Variants in SDK1 observed in about 807,000 individuals in gnomAD.
SDK1 encodes the protein sidekick cell adhesion molecule 1.
SDK1 carries 157 observed loss-of-function variants against 245.5 expected under a neutral mutation model. The ratio of observed to expected loss-of-function variants is 0.64; its 90% CI spans 0.56 to 0.73. The LOEUF is 0.73. Among genes scored for constraint, SDK1 ranks in the 30% least tolerant of loss-of-function variants. The pLI, the probability that SDK1 is intolerant of heterozygous loss-of-function variation, is 0.00. For missense variants in SDK1, 3,583 were observed against 3,002.3 expected, an observed-to-expected ratio of 1.19 and a Z score of -4.52; for synonymous variants, 1,647 against 1,278.5, an observed-to-expected ratio of 1.29 and a Z score of -6.15.
In SDK1 at chr7:4,060,167, C is replaced by T. The variant is rs146809648; in HGVS notation, c.2912-7671C>T. Reference sequence around the variant, plus strand: ...AAGTGCTGGGATTACAGGCGTGAGCCACCACGCCCGGCCAGAAATTTCTTG... The same window carrying T: ...AAGTGCTGGGATTACAGGCGTGAGCTACCACGCCCGGCCAGAAATTTCTTG... On this transcript the variant is annotated intron_variant, in intron 19 of 44. Coordinates refer to ENST00000404826, the MANE Select transcript of SDK1 (RefSeq NM_152744.4). Among the ~76,000 whole-genome samples, 150 of 152,304 alleles carry T rather than the reference C, an allele frequency of 9.8e-4. 4 individuals are homozygous for T. In the East Asian group the frequency reaches 0.024, roughly 25 times the overall value.
chr7:3,821,576 C>T lies in SDK1; in HGVS notation c.840C>T (p.Ser280=). Residue 280 remains serine (S), a synonymous_variant, in exon 5 of 45, where the codon AGC becomes AGT. Coordinates refer to ENST00000404826, the MANE Select transcript of SDK1 (RefSeq NM_152744.4). ...ENKTSPFIHL[S]IARDVGTPET... is the part of the protein sequence containing the mutation. ...AGACAAGCCCATTCATTCATTTGAG[C>T]ATAGCAAGTGAGTTTTGAAATCCCA... 7 of 1,613,040 alleles carry T rather than the reference C, an allele frequency of 4.3e-6. No individual in the cohort carries two copies. The highest frequency in any genetic ancestry group is 1.1e-5 in the South Asian group (1 of 90,800).
chr7:3,721,153 AG>A (rs1306674044), intron 4 of SDK1, among the ~76,000 whole-genome samples: 1 of 152,094 alleles, frequency 6.6e-6, no homozygotes, highest in African/African-American at 2.4e-5. Context: ...AGCTGGAGGG[AG>A]CTTGGAGGTG....
intron 5 of SDK1, among the ~76,000 whole-genome samples, chr7:3,873,229 G>T (rs1780999844): frequency 6.6e-6 from 1 of 152,044 alleles, no homozygotes. Flanking sequence ...ATCCTGTATT[G>T]AGATGTTTTT....
chr7:3,680,746 T>A (rs550364200), intron 4 of SDK1, among the ~76,000 whole-genome samples: 21 of 152,212 alleles, frequency 1.4e-4, no homozygotes, highest in Non-Finnish European at 3.1e-4. Flanking sequence ...AATCCCTAGG[T>A]TTGTTGTCTC....
intron 28 of SDK1, among the ~76,000 whole-genome samples, chr7:4,134,286 C>T (rs533268077): frequency 3.3e-5 from 5 of 152,312 alleles, no homozygotes; most frequent in South Asian, 2.1e-4. Flanking sequence ...TTTGGAATTG[C>T]GGGTTCCTGC....
chr7:3,544,096 T>A (rs73037610), intron 1 of SDK1, among the ~76,000 whole-genome samples: 1 of 152,170 alleles, frequency 6.6e-6, no homozygotes, highest in Non-Finnish European at 1.5e-5. Context: ...GCCTTTCTCC[T>A]TAGGAAATGC....
intron 4 of SDK1, among the ~76,000 whole-genome samples, chr7:3,735,280 T>A (rs981028722): frequency 6.6e-6 from 1 of 152,214 alleles, no homozygotes; most frequent in Non-Finnish European, 1.5e-5. Flanking sequence ...CTTTTTTACC[T>A]TGCGAAACTG....
chr7:3,758,843 A>G (rs1416231461), intron 4 of SDK1, among the ~76,000 whole-genome samples: 1 of 152,180 alleles, frequency 6.6e-6, no homozygotes. Context: ...AGGTATATGT[A>G]TTCCAACCCA....
chr7:4,072,313 C>T (rs866432632), intron 20 of SDK1, among the ~76,000 whole-genome samples: 2 of 152,204 alleles, frequency 1.3e-5, no homozygotes, highest in Non-Finnish European at 2.9e-5. Context: ...TCGGCAGCCA[C>T]GTTGTCCCCT....
intron 1 of SDK1, among the ~76,000 whole-genome samples, chr7:3,353,404 A>C (rs745561936): frequency 1.3e-5 from 2 of 152,148 alleles, no homozygotes; most frequent in Admixed American, 1.3e-4. Flanking sequence ...AGGAACTCAC[A>C]TGACTCCCAA....
At chr7:4,150,865 A>G (rs565576421) in intron 30 of SDK1, among the ~76,000 whole-genome samples, 1 of 152,358 alleles carries the variant, frequency 6.6e-6, no homozygotes, top group South Asian at 2.1e-4. Context: ...GAGGCGAAGC[A>G]CTTGCCCAGG....
intron 5 of SDK1, among the ~76,000 whole-genome samples, chr7:3,916,193 A>G (rs1057505449): frequency 6.6e-6 from 1 of 152,214 alleles, no homozygotes; most frequent in African/African-American, 2.4e-5. Flanking sequence ...CAGTGGTCAC[A>G]TTCCTGTGAA....
At chr7:4,248,319 CACATAT>C (rs978539073) in intron 44 of SDK1, among the ~76,000 whole-genome samples, 32 of 151,662 alleles carry the variant, frequency 2.1e-4, no homozygotes, top group African/African-American at 6.5e-4. Flanking sequence ...CACATGCACA[CACATAT>C]ACATATACAC....
At chr7:3,653,874 C>A (rs1051845244) in intron 4 of SDK1, among the ~76,000 whole-genome samples, 1 of 152,152 alleles carries the variant, frequency 6.6e-6, no homozygotes, top group Non-Finnish European at 1.5e-5. Context: ...ACTTATGAAG[C>A]AGAGAGGATG....
intron 5 of SDK1, among the ~76,000 whole-genome samples, chr7:3,879,404 A>G (rs1302521515): frequency 3.3e-5 from 5 of 152,202 alleles, no homozygotes; most frequent in Non-Finnish European, 7.3e-5. Flanking sequence ...GCAGAGAGTG[A>G]GAAGTATTTG....
intron 1 of SDK1, among the ~76,000 whole-genome samples, chr7:3,466,179 C>A (rs1780994751): frequency 6.6e-6 from 1 of 151,752 alleles, no homozygotes; most frequent in South Asian, 2.1e-4. Flanking sequence ...GGGAAACTAC[C>A]TGCCTTTCAT....
At chr7:3,614,786 G>T in intron 1 of SDK1, among the ~76,000 whole-genome samples, 1 of 152,136 alleles carries the variant, frequency 6.6e-6, no homozygotes, top group South Asian at 2.1e-4. Flanking sequence ...AAAATTCCAG[G>T]GTGTTGACAT....
At chr7:4,016,258 G>A (rs770961770) in intron 16 of SDK1, among the ~76,000 whole-genome samples, 3 of 152,236 alleles carry the variant, frequency 2.0e-5, no homozygotes, top group Non-Finnish European at 4.4e-5. Context: ...CTCAAGTGTG[G>A]GACTGTGAGG....
intron 1 of SDK1, among the ~76,000 whole-genome samples, chr7:3,602,810 G>T (rs539620785): frequency 6.6e-6 from 1 of 152,134 alleles, no homozygotes; most frequent in African/African-American, 2.4e-5. Flanking sequence ...ATAGTTTTAG[G>T]TCTAACATTT....
Sources: gnomAD v4.1 joint callset for allele counts (sites outside exome capture counted in the v4.1 genomes callset) on GRCh38, gnomAD v4.1.1 for gene constraint, MANE v1.5 for transcripts, NCBI Gene and HGNC (gene_info 2026-07-23, HGNC 2026-07-21) for gene names.